Variants in TIA1 observed in about 807,000 individuals in gnomAD.
TIA1 encodes the protein cytotoxic granule associated RNA binding protein TIA1.
Under a neutral mutation model 65.9 loss-of-function variants are expected in TIA1, and 23 were observed. That is an observed-to-expected ratio of 0.35 (90% CI 0.25 to 0.49). TIA1 has a LOEUF of 0.49. TIA1 is among the 20% of genes least tolerant of loss of function. The probability of loss-of-function intolerance (pLI) is 0.98; values close to 1 mark genes in which losing one functional copy is unlikely to be tolerated. For missense variants in TIA1, 371 were observed against 477.9 expected, an observed-to-expected ratio of 0.78 and a Z score of 2.09; for synonymous variants, 147 against 149.4, an observed-to-expected ratio of 0.98 and a Z score of 0.12.
At position 70,248,602 on chromosome 2, in the gene TIA1, A is replaced by C. The variant is rs1369255080; in HGVS notation, c.-172T>G. 1.1e-6 allele frequency: 1 copy of C among 909,108 alleles called. No homozygotes were observed. The allele number at this position is 909,108 out of a possible 1,614,324, so 56.3% of individuals were successfully genotyped here. On this transcript the variant is annotated 5_prime_UTR_variant, in exon 1 of 13. It adds an upstream start codon to the 5' untranslated region. Transcript: ENST00000433529. Reference sequence around the variant, plus strand: ...CTAAACCGCCCGGCCCAGCGGGAACAATGAAACCCCAATACAAGATGGCGG... The same window carrying C: ...CTAAACCGCCCGGCCCAGCGGGAACCATGAAACCCCAATACAAGATGGCGG...
intron 7 of TIA1, among the ~76,000 whole-genome samples, chr2:70,223,549 G>A (rs1682457729): frequency 6.6e-6 from 1 of 151,954 alleles, no homozygotes; most frequent in Middle Eastern, 3.4e-3. Flanking sequence ...AGCCCTGCAA[G>A]TAGCTGGGAC....
At chr2:70,233,511 G>C (rs952691247) in intron 2 of TIA1, among the ~76,000 whole-genome samples, 4 of 152,206 alleles carry the variant, frequency 2.6e-5, no homozygotes, top group Non-Finnish European at 4.4e-5. Flanking sequence ...GCTCACGCCT[G>C]TAATCCCAGC....
chr2:70,232,384 T>C (rs1216300484), intron 2 of TIA1, among the ~76,000 whole-genome samples: 2 of 143,792 alleles, frequency 1.4e-5, no homozygotes, highest in African/African-American at 5.2e-5. Flanking sequence ...CTACTAAAAA[T>C]ACAAAATTAG....
In TIA1 at chr2:70,212,461, ATT is replaced by A. The variant is rs1242390947; in HGVS notation, c.*256_*257del. Reference sequence around the variant, plus strand: ...GTTAAAAAGTGGCAGCAATCCCTGCATTTGTGTTTGAAACAAGGATCTGAGAA... The same window carrying A: ...GTTAAAAAGTGGCAGCAATCCCTGCATGTGTTTGAAACAAGGATCTGAGAA... On this transcript the variant is annotated 3_prime_UTR_variant, in exon 13 of 13. Coordinates refer to ENST00000433529, the MANE Select transcript of TIA1 (RefSeq NM_022173.4). 3.1e-6 allele frequency: 1 copy of A among 324,202 alleles called. No homozygotes were observed. The highest frequency in any genetic ancestry group is 5.9e-5 in the East Asian group (1 of 16,904). The allele number at this position is 324,202 out of a possible 1,614,324, so 20.1% of individuals were successfully genotyped here. A position where few individuals can be genotyped will look rare whatever the true frequency, so the allele number is the denominator to read the frequency against.
chr2:70,232,350 G>T (rs1021953700), intron 2 of TIA1, among the ~76,000 whole-genome samples: 1 of 151,082 alleles, frequency 6.6e-6, no homozygotes, highest in Non-Finnish European at 1.5e-5. Context: ...AGACCAGCCT[G>T]ACCAACATGG....
intron 1 of TIA1, among the ~76,000 whole-genome samples, chr2:70,238,998 G>A (rs541943103): frequency 2.0e-5 from 3 of 152,326 alleles, no homozygotes; most frequent in Admixed American, 6.5e-5. Flanking sequence ...GAACCCAGGA[G>A]TTAAGAGGCT....
At chr2:70,238,266 T>G (rs1017581493) in intron 1 of TIA1, among the ~76,000 whole-genome samples, 1 of 126,650 alleles carries the variant, frequency 7.9e-6, no homozygotes, top group East Asian at 2.3e-4. Flanking sequence ...CCAAGTTTTT[T>G]TTTTTTTTTT....
intron 1 of TIA1, among the ~76,000 whole-genome samples, chr2:70,242,896 A>G (rs374741860): frequency 6.6e-6 from 1 of 151,926 alleles, no homozygotes; most frequent in Non-Finnish European, 1.5e-5. Context: ...CCATGGAAAA[A>G]TTGTCTTCCA....
Position 70,248,550 on chromosome 2 carries a change from C to T in TIA1, c.-120G>A. 6.8e-7 allele frequency: 1 copy of T among 1,463,258 alleles called. No homozygotes were observed. 90.6% of individuals were successfully genotyped at this position (1,463,258 alleles called of 1,614,324 possible). A position where few individuals can be genotyped will look rare whatever the true frequency, so the allele number is the denominator to read the frequency against. ...GTTTCTCGGCTGACCAGAGGTTACTCCGCCTCCTCCTCCGGCGGCAATTAC... is the reference window on the plus strand; with the variant it reads ...GTTTCTCGGCTGACCAGAGGTTACTTCGCCTCCTCCTCCGGCGGCAATTAC... On this transcript the variant is annotated 5_prime_UTR_variant, in exon 1 of 13. Transcript: ENST00000433529.
At chr2:70,247,541 A>C (rs1308788998) in intron 1 of TIA1, among the ~76,000 whole-genome samples, 1 of 152,192 alleles carries the variant, frequency 6.6e-6, no homozygotes, top group African/African-American at 2.4e-5. Context: ...GGCAGGATCA[A>C]CTCATCCGAT....
At chr2:70,233,810 T>C (rs984027816) in intron 2 of TIA1, among the ~76,000 whole-genome samples, 1 of 150,730 alleles carries the variant, frequency 6.6e-6, no homozygotes, top group East Asian at 1.9e-4. Flanking sequence ...AGTAAATAAA[T>C]GAAAAAGAAT....
chr2:70,245,176 G>T (rs1693744027), intron 1 of TIA1, among the ~76,000 whole-genome samples: 2 of 152,066 alleles, frequency 1.3e-5, no homozygotes, highest in Admixed American at 1.3e-4. Context: ...TAGTAGAGAT[G>T]GGGTTTCACC....
At chr2:70,214,202 T>TAA in intron 12 of TIA1, 147 bp downstream of exon 12, 1 of 894,486 alleles carries the variant, frequency 1.1e-6, no homozygotes, top group Non-Finnish European at 1.6e-6. Flanking sequence ...ATTTTCTTAC[T>TAA]AAAAAACAAT....
chr2:70,245,493 C>G (rs903596215), intron 1 of TIA1, among the ~76,000 whole-genome samples: 7 of 152,192 alleles, frequency 4.6e-5, no homozygotes, highest in African/African-American at 1.7e-4. Context: ...TAGTGTGTAG[C>G]TTTTAGTTCA....
chr2:70,240,444 A>T (rs529445474), intron 1 of TIA1, among the ~76,000 whole-genome samples: 1 of 152,346 alleles, frequency 6.6e-6, no homozygotes, highest in South Asian at 2.1e-4. Flanking sequence ...TTCTTGAATA[A>T]AAGGGAGTGG....
intron 1 of TIA1, among the ~76,000 whole-genome samples, chr2:70,237,008 A>G (rs1234048935): frequency 1.3e-5 from 2 of 152,240 alleles, no homozygotes; most frequent in Non-Finnish European, 2.9e-5. Context: ...AACTTGAGAA[A>G]TAGGCAGATC....
intron 1 of TIA1, among the ~76,000 whole-genome samples, chr2:70,244,246 A>G (rs1693197516): frequency 6.6e-6 from 1 of 152,142 alleles, no homozygotes; most frequent in Non-Finnish European, 1.5e-5. Flanking sequence ...TTATCAAAGG[A>G]TGACCTTCCT....
At chr2:70,248,303 G>C in intron 1 of TIA1, 102 bp downstream of exon 1, 2 of 1,348,540 alleles carry the variant, frequency 1.5e-6, no homozygotes, top group East Asian at 2.4e-5. Context: ...CCACGATATC[G>C]CGGTGTCCAC....
At chr2:70,213,419 C>G (rs898397846) in intron 12 of TIA1, among the ~76,000 whole-genome samples, 11 of 150,696 alleles carry the variant, frequency 7.3e-5, no homozygotes, top group Non-Finnish European at 1.3e-4. Context: ...TCTCAGCTCA[C>G]TGCAACCTAC....
Sources: allele counts gnomAD v4.1 joint callset (sites outside exome capture counted in the v4.1 genomes callset), GRCh38; gene constraint gnomAD v4.1.1; transcripts MANE v1.5; gene names NCBI Gene and HGNC (gene_info 2026-07-23, HGNC 2026-07-21).